SERPINB7: variants seen among roughly 807,000 people sequenced by gnomAD.
The protein encoded by SERPINB7 is serpin family B member 7, also known as serpin B7.
Under a neutral mutation model 37.4 loss-of-function variants are expected in SERPINB7, and 31 were observed. That is an observed-to-expected ratio of 0.83 (90% CI 0.62 to 1.12). The LOEUF is 1.12. SERPINB7 is among the 50% of genes most tolerant of loss of function. SERPINB7 has a pLI of 0.00. For synonymous variants in SERPINB7, 163 were observed against 166.1 expected (o/e 0.98, Z 0.14); for missense variants, 521 against 455.3 (o/e 1.14, Z -1.31).
chr18:63,783,974 G>T (rs1449402771), intron 2 of SERPINB7, among the ~76,000 whole-genome samples: 2 of 152,106 alleles, frequency 1.3e-5, no homozygotes, highest in Non-Finnish European at 2.9e-5. Context: ...TTAGACTGCT[G>T]TTTTTTTCAA....
chr18:63,783,704 G>A (rs1489568957), intron 2 of SERPINB7, among the ~76,000 whole-genome samples: 13 of 152,140 alleles, frequency 8.5e-5, no homozygotes, highest in Non-Finnish European at 1.9e-4. Context: ...CAGCAGGTGA[G>A]ATGCCAGGTC....
chr18:63,762,246 G>A (rs779128378), intron 1 of SERPINB7, among the ~76,000 whole-genome samples: 5 of 152,126 alleles, frequency 3.3e-5, no homozygotes, highest in East Asian at 1.9e-4. Context: ...TGACTGGAGG[G>A]GGAAAAGGCC....
At chr18:63,774,515 G>C (rs2049230996), upstream of SERPINB7, among the ~76,000 whole-genome samples, 1 of 152,080 alleles carries the variant, frequency 6.6e-6, no homozygotes, top group Non-Finnish European at 1.5e-5. Context: ...ACTGAAATGT[G>C]TTTTTGCCCC....
intron 1 of SERPINB7, among the ~76,000 whole-genome samples, chr18:63,761,519 A>G (rs928977825): frequency 1.3e-5 from 2 of 152,096 alleles, no homozygotes; most frequent in African/African-American, 4.8e-5. Context: ...AGGACATGAG[A>G]TTTGGAGGGG....
At chr18:63,784,305 C>T (rs1246915138) in intron 2 of SERPINB7, among the ~76,000 whole-genome samples, 3 of 152,128 alleles carry the variant, frequency 2.0e-5, no homozygotes. Flanking sequence ...TCCTATGCAT[C>T]ATTTAGCAGC....
chr18:63,792,267 T>TA, intron 2 of SERPINB7, 126 bp from the exon 3 acceptor site: 2 of 640,620 alleles, frequency 3.1e-6, no homozygotes, highest in South Asian at 4.1e-5. Context: ...TCTAAGATAC[T>TA]AATGAACTTG....
At chr18:63,784,658 G>A (rs1028160707) in intron 2 of SERPINB7, among the ~76,000 whole-genome samples, 1 of 152,130 alleles carries the variant, frequency 6.6e-6, no homozygotes, top group Non-Finnish European at 1.5e-5. Flanking sequence ...AGATTGGGTC[G>A]AAGATCTGAC....
At chr18:63,768,771 C>T (rs1288282431) in intron 1 of SERPINB7, among the ~76,000 whole-genome samples, 3 of 152,046 alleles carry the variant, frequency 2.0e-5, no homozygotes, top group Non-Finnish European at 4.4e-5. Flanking sequence ...GTTTCCATCA[C>T]CCCCAAAACT....
intron 1 of SERPINB7, among the ~76,000 whole-genome samples, chr18:63,766,842 C>T (rs2049183375): frequency 6.6e-6 from 1 of 152,144 alleles, no homozygotes; most frequent in African/African-American, 2.4e-5. Context: ...ACTTTCAATT[C>T]CCTCTAGTCA....
intron 1 of SERPINB7, among the ~76,000 whole-genome samples, chr18:63,762,455 C>T (rs1365627005): frequency 2.6e-5 from 4 of 152,086 alleles, no homozygotes; most frequent in Admixed American, 2.0e-4. Context: ...TTACAGATTA[C>T]GTGCATTGGT....
chr18:63,798,056 G>T (rs2049506863), intron 5 of SERPINB7, among the ~76,000 whole-genome samples: 1 of 152,208 alleles, frequency 6.6e-6, no homozygotes, highest in South Asian at 2.1e-4. Flanking sequence ...CTGCTCTTTG[G>T]ATGTTGACTC....
At chr18:63,782,275 T>TA (rs1463590545) in intron 1 of SERPINB7, 80 bp from the exon 2 acceptor site, 2 of 937,540 alleles carry the variant, frequency 2.1e-6, no homozygotes, top group Non-Finnish European at 2.8e-6. Flanking sequence ...CTTTAAATTA[T>TA]AAAAAATAAA....
intron 3 of SERPINB7, 68 bp downstream of exon 3, chr18:63,792,511 C>A: frequency 9.3e-7 from 1 of 1,078,472 alleles, no homozygotes; most frequent in Non-Finnish European, 1.4e-6. Flanking sequence ...GCCTGTAATA[C>A]CAGAACTTTG....
At chr18:63,784,657 C>T (rs973418553) in intron 2 of SERPINB7, among the ~76,000 whole-genome samples, 1 of 151,970 alleles carries the variant, frequency 6.6e-6, no homozygotes, top group Non-Finnish European at 1.5e-5. Flanking sequence ...AAGATTGGGT[C>T]GAAGATCTGA....
chr18:63,798,770 A>T (rs1599020794), intron 6 of SERPINB7, 24 bp downstream of exon 6: 1 of 1,608,774 alleles, frequency 6.2e-7, no homozygotes, highest in East Asian at 2.2e-5. Flanking sequence ...CTCCTATTTA[A>T]TTTAGAACTT....
intron 1 of SERPINB7, among the ~76,000 whole-genome samples, chr18:63,764,274 T>G (rs965176020): frequency 2.2e-4 from 33 of 152,266 alleles, no homozygotes; most frequent in Non-Finnish European, 7.3e-5. Flanking sequence ...GTGTTACCAC[T>G]CTACTGTTCT....
intron 7 of SERPINB7, among the ~76,000 whole-genome samples, chr18:63,801,444 C>T (rs2144646908): frequency 6.6e-6 from 1 of 152,296 alleles, no homozygotes; most frequent in East Asian, 1.9e-4. Flanking sequence ...ACAAGAGGGT[C>T]TCCCTGCCTG....
At chr18:63,787,998 C>G (rs76903772) in intron 2 of SERPINB7, among the ~76,000 whole-genome samples, 5,455 of 152,280 alleles carry the variant, frequency 0.036, 130 homozygotes, top group African/African-American at 0.068. Flanking sequence ...TACTGGACTG[C>G]CAGTTGTAGA....
intron 2 of SERPINB7, among the ~76,000 whole-genome samples, chr18:63,788,582 T>C (rs532324231): frequency 6.6e-6 from 1 of 152,334 alleles, no homozygotes; most frequent in Admixed American, 6.5e-5. Context: ...GTAGCCTAAG[T>C]GTACAGTGCT....
Sources: allele counts gnomAD v4.1 joint callset (sites outside exome capture counted in the v4.1 genomes callset), GRCh38; gene constraint gnomAD v4.1.1; transcripts MANE v1.5; gene names NCBI Gene and HGNC (gene_info 2026-07-23, HGNC 2026-07-21).